TNRC6A: variants seen among roughly 807,000 people sequenced by gnomAD.
TNRC6A encodes the protein trinucleotide repeat-containing gene 6A protein.
In TNRC6A, 44 loss-of-function variants were observed where a neutral mutation model predicts 221.2. The observed-to-expected ratio is 0.20, with a 90% CI of 0.16 to 0.26. TNRC6A has a LOEUF of 0.26. TNRC6A is among the 10% of genes least tolerant of loss of function. TNRC6A has a pLI of 1.00. For missense variants in TNRC6A, 2,199 were observed against 2,404.4 expected, an observed-to-expected ratio of 0.91 and a Z score of 1.79; for synonymous variants, 847 against 838.5, an observed-to-expected ratio of 1.01 and a Z score of -0.18.
At chr16:24,635,536 G>A (rs1477808316) in intron 1 of TNRC6A, among the ~76,000 whole-genome samples, 1 of 152,122 alleles carries the variant, frequency 6.6e-6, no homozygotes, top group African/African-American at 2.4e-5. Context: ...GCCTGCCTTG[G>A]CCTCCCAAAG....
intron 2 of TNRC6A, among the ~76,000 whole-genome samples, chr16:24,669,847 C>G (rs1211886478): frequency 6.6e-6 from 1 of 150,520 alleles, no homozygotes; most frequent in African/African-American, 2.4e-5. Flanking sequence ...ATAATAGCAA[C>G]CATTTACTGG....
chr16:24,675,702 C>CTCTCTCTCTA (rs1180245687), intron 2 of TNRC6A, among the ~76,000 whole-genome samples: 14 of 33,262 alleles, frequency 4.2e-4, no homozygotes, highest in Non-Finnish European at 4.7e-4. Flanking sequence ...CTCTCTCTCT[C>CTCTCTCTCTA]TATATATATA....
intron 2 of TNRC6A, among the ~76,000 whole-genome samples, chr16:24,678,851 A>G (rs1208548700): frequency 6.6e-6 from 1 of 152,190 alleles, no homozygotes; most frequent in Admixed American, 6.6e-5. Context: ...ATAGATAACT[A>G]ATACATGACC....
Position 24,790,161 on chromosome 16 carries a change from C to G in TNRC6A, c.1519C>G (p.Leu507Val). 6.2e-7 allele frequency: 1 copy of G among 1,614,192 alleles called. No individual in the cohort carries two copies. The highest frequency in any genetic ancestry group is 8.5e-7 in the Non-Finnish European group (1 of 1,180,036). Residue 507 changes from leucine (L) to valine (V), a missense_variant, in exon 6 of 25, where the codon CTT becomes GTT. Leu to Val is a conservative substitution (Grantham distance 32). Coordinates refer to ENST00000395799, the MANE Select transcript of TNRC6A (RefSeq NM_014494.4). ...TATGAATGGCACTTCCCTTTCTCAC[C>G]TTAGCAATGGAGAGTCAAAAAGTGG... is the stretch of plus-strand genomic sequence containing the variant. Reference protein sequence around the residue: ...SGMNGTSLSHLSNGESKSGGS... With the variant: ...SGMNGTSLSHVSNGESKSGGS...
chr16:24,699,520 C>A (rs532341076), intron 2 of TNRC6A, among the ~76,000 whole-genome samples: 16 of 152,126 alleles, frequency 1.1e-4, no homozygotes, highest in Non-Finnish European at 1.8e-4. Flanking sequence ...GAGTGCCAGA[C>A]AAGCCTGGGC....
At chr16:24,812,992 C>T (rs1053642959) in intron 18 of TNRC6A, among the ~76,000 whole-genome samples, 1 of 150,662 alleles carries the variant, frequency 6.6e-6, no homozygotes, top group Non-Finnish European at 1.5e-5. Flanking sequence ...CCCCCCACCT[C>T]AGCCTCCCGA....
intron 2 of TNRC6A, among the ~76,000 whole-genome samples, chr16:24,741,164 C>T (rs1481707423): frequency 6.6e-6 from 1 of 152,144 alleles, no homozygotes; most frequent in Non-Finnish European, 1.5e-5. Flanking sequence ...TCTCTTTTTT[C>T]TGACTGGAAC....
chr16:24,625,675 G>A (rs555533732), intron 1 of TNRC6A, among the ~76,000 whole-genome samples: 219 of 148,628 alleles, frequency 1.5e-3, no homozygotes, highest in African/African-American at 5.3e-3. Context: ...GCAGTGAGCC[G>A]AGATTGCGCC....
chr16:24,775,748 G>C (rs1360622649), intron 4 of TNRC6A, among the ~76,000 whole-genome samples: 2 of 152,198 alleles, frequency 1.3e-5, no homozygotes, highest in African/African-American at 2.4e-5. Context: ...TGAATAGTGG[G>C]CTGTTTTAAT....
Position 24,806,207 on chromosome 16 carries a change from G to A in TNRC6A, c.4253G>A (p.Arg1418Gln), listed in dbSNP as rs778441574. Residue 1418 changes from arginine (R) to glutamine (Q), a missense_variant and splice_region_variant, in exon 16 of 25, where the codon CGA (arginine) becomes CAA (glutamine). Physicochemically the swap from Arg to Gln is conservative, Grantham distance 43. Around this residue, in one of 8 missense-constraint regions of TNRC6A, gnomAD observed 449 missense variants for 579.7 expected, o/e 0.77. Transcript: ENST00000395799. ...ACCTTTTCGCTATCTTTCCTCTAGCGATTGTTAGCGCAGCAGCAAAGGGCG... is the reference window on the plus strand; with the variant it reads ...ACCTTTTCGCTATCTTTCCTCTAGCAATTGTTAGCGCAGCAGCAAAGGGCG... ...NQLSQISQLQ[R>Q]LLAQQQRAQS... The A allele has an allele frequency of 2.5e-6, 4 of 1,613,800 alleles. No individual in the cohort carries two copies. The highest frequency in any genetic ancestry group is 1.3e-5 in the African/African-American group (1 of 74,914).
chr16:24,645,834 CAAA>C (rs36106864), intron 2 of TNRC6A, among the ~76,000 whole-genome samples: 102 of 26,616 alleles, frequency 3.8e-3, no homozygotes, highest in African/African-American at 6.8e-3. Flanking sequence ...CCTGTATCTA[CAAA>C]AAAAAAAAAA....
chr16:24,750,854 A>G (rs2057120650), intron 3 of TNRC6A, 41 bp downstream of exon 3: 1 of 1,392,720 alleles, frequency 7.2e-7, no homozygotes. Context: ...CAGTTTAAAC[A>G]TAGAATTAAA....
chr16:24,745,803 C>A (rs916237997), intron 2 of TNRC6A, among the ~76,000 whole-genome samples: 125 of 148,230 alleles, frequency 8.4e-4, no homozygotes, highest in Non-Finnish European at 1.4e-3. Flanking sequence ...CATCCCCCCC[C>A]CCCCCAGCTA....
At chr16:24,646,914 A>G (rs1181450028) in intron 2 of TNRC6A, among the ~76,000 whole-genome samples, 1 of 152,130 alleles carries the variant, frequency 6.6e-6, no homozygotes, top group Non-Finnish European at 1.5e-5. Context: ...TTTCTGTAAA[A>G]TCTTTATTTT....
intron 2 of TNRC6A, among the ~76,000 whole-genome samples, chr16:24,660,891 G>A (rs535268137): frequency 3.3e-5 from 5 of 151,592 alleles, no homozygotes; most frequent in South Asian, 2.1e-4. Context: ...ACAGGTGCCC[G>A]CCACCACGCC....
At chr16:24,739,666 A>G (rs1291806983) in intron 2 of TNRC6A, among the ~76,000 whole-genome samples, 1 of 151,822 alleles carries the variant, frequency 6.6e-6, no homozygotes, top group African/African-American at 2.4e-5. Flanking sequence ...TTTAATAGAG[A>G]CAGAATTTCA....
intron 12 of TNRC6A, 99 bp from the exon 13 acceptor site, chr16:24,804,606 C>A: frequency 6.7e-7 from 1 of 1,484,752 alleles, no homozygotes. Flanking sequence ...CCTGTTGATG[C>A]TGGAATGTCA....
chr16:24,674,346 G>A (rs59687720), intron 2 of TNRC6A, among the ~76,000 whole-genome samples: 12,672 of 151,958 alleles, frequency 0.083, 1,043 homozygotes, highest in African/African-American at 0.21. Flanking sequence ...TCAAAGCTAC[G>A]GTGAGCTATG....
At chr16:24,666,653 A>T (rs1567338681) in intron 2 of TNRC6A, among the ~76,000 whole-genome samples, 4 of 123,238 alleles carry the variant, frequency 3.2e-5, no homozygotes, top group Non-Finnish European at 6.5e-5. Flanking sequence ...AAAAAAAAAA[A>T]AAAAAAAAAA....
Sources: gnomAD v4.1 joint callset for allele counts (sites outside exome capture counted in the v4.1 genomes callset) on GRCh38, gnomAD v4.1.1 for gene constraint, gnomAD v4.1.1 regional missense constraint, MANE v1.5 for transcripts, NCBI Gene and HGNC (gene_info 2026-07-23, HGNC 2026-07-21) for gene names.